The following SPECC1L variants were observed in gnomAD, a reference collection of about 807,000 sequenced individuals.
SPECC1L encodes sperm antigen with calponin homology and coiled-coil domains 1 like, also known as cytospin-A.
Under a neutral mutation model 116.8 loss-of-function variants are expected in SPECC1L, and 40 were observed. The observed-to-expected ratio is 0.34, with a 90% confidence interval of 0.27 to 0.45. SPECC1L has a LOEUF of 0.45. Ranked by LOEUF, SPECC1L falls within the 20% of genes least tolerant of loss-of-function variation. SPECC1L has a pLI of 1.00. For synonymous variants in SPECC1L, 504 were observed against 500.6 expected (o/e 1.01, Z -0.09); for missense variants, 1,110 against 1,373.6 (o/e 0.81, Z 3.03).
At chr22:24,331,774 G>T (rs2040943418) in intron 8 of SPECC1L, among the ~76,000 whole-genome samples, 1 of 151,898 alleles carries the variant, frequency 6.6e-6, no homozygotes, top group South Asian at 2.1e-4. Flanking sequence ...ATGAACCAAG[G>T]TCTTGGCAAT....
chr22:24,382,704 CAA>C (rs34174849), intron 14 of SPECC1L, among the ~76,000 whole-genome samples: 6 of 59,646 alleles, frequency 1.0e-4, no homozygotes, highest in Admixed American at 2.1e-4. Flanking sequence ...GACTCCATCT[CAA>C]AAAAAAAAAA....
intron 2 of SPECC1L, among the ~76,000 whole-genome samples, chr22:24,295,440 G>A (rs201996393): frequency 0.035 from 5,165 of 149,632 alleles, 269 homozygotes; most frequent in South Asian, 0.11. Flanking sequence ...TTTGGGGTAC[G>A]GATCCCGTCA....
chr22:24,398,469 C>A (rs934648197), intron 14 of SPECC1L, among the ~76,000 whole-genome samples: 2 of 152,196 alleles, frequency 1.3e-5, no homozygotes, highest in Non-Finnish European at 2.9e-5. Flanking sequence ...TCTGCTTTTC[C>A]AGTGATCTAC....
rs79311337 is a variant in SPECC1L, at chr22:24,381,871, G to A, written c.3087+12551G>A. Among the ~76,000 whole-genome samples the A allele has an allele frequency of 7.4e-3, 1,126 of 152,266 alleles. 6 individuals carry two copies. Among genetic ancestry groups the A allele is most frequent in the South Asian group, 0.013 (61 of 4,828 alleles). ...TGCACTCCAGTCTGGGCGACAGAGC[G>A]AGACTCTGTCTCAAAACAAAACAAA... On this transcript the variant is annotated intron_variant, in intron 14 of 16. Transcript: ENST00000314328.
At chr22:24,295,573 T>A (rs931803451) in intron 2 of SPECC1L, among the ~76,000 whole-genome samples, 3 of 152,150 alleles carry the variant, frequency 2.0e-5, no homozygotes, top group African/African-American at 7.2e-5. Flanking sequence ...GATCTAGACC[T>A]GGCAATAAAT....
At chr22:24,318,057 G>C (rs542635531) in intron 4 of SPECC1L, among the ~76,000 whole-genome samples, 1 of 149,512 alleles carries the variant, frequency 6.7e-6, no homozygotes, top group East Asian at 2.0e-4. Flanking sequence ...CAGGCAGAGG[G>C]GCTCCTCACA....
chr22:24,394,618 C>G (rs555073524), intron 14 of SPECC1L, among the ~76,000 whole-genome samples: 80 of 152,340 alleles, frequency 5.3e-4, no homozygotes, highest in African/African-American at 1.9e-3. Context: ...GCCCAACTGT[C>G]TTCCAGACTG....
At chr22:24,394,107 C>G (rs2146748051) in intron 14 of SPECC1L, among the ~76,000 whole-genome samples, 1 of 152,274 alleles carries the variant, frequency 6.6e-6, no homozygotes, top group Non-Finnish European at 1.5e-5. Flanking sequence ...TGGGTTGTTT[C>G]CAGTTATTGC....
intron 3 of SPECC1L, among the ~76,000 whole-genome samples, chr22:24,304,124 A>G (rs1338636869): frequency 6.6e-6 from 1 of 151,986 alleles, no homozygotes; most frequent in Non-Finnish European, 1.5e-5. Context: ...TGGCACCTAG[A>G]TACTTCCTAC....
intron 8 of SPECC1L, 95 bp from the exon 9 acceptor site, chr22:24,334,315 A>G: frequency 7.3e-7 from 1 of 1,364,196 alleles, no homozygotes; most frequent in Non-Finnish European, 1.0e-6. Flanking sequence ...CCCGGCCATT[A>G]AACTGATAGT....
intron 14 of SPECC1L, among the ~76,000 whole-genome samples, chr22:24,370,200 T>C (rs1214597428): frequency 6.6e-6 from 1 of 152,242 alleles, no homozygotes; most frequent in Non-Finnish European, 1.5e-5. Flanking sequence ...AGGTCACTTT[T>C]GGATGAATTT....
chr22:24,412,387 G>A (rs976596578), intron 15 of SPECC1L: 6 of 565,904 alleles, frequency 1.1e-5, no homozygotes, highest in Admixed American at 2.9e-5. Flanking sequence ...CATTGGTGCG[G>A]CAGAAGTAGG....
chr22:24,332,467 G>A (rs2040957527), intron 8 of SPECC1L, among the ~76,000 whole-genome samples: 1 of 152,198 alleles, frequency 6.6e-6, no homozygotes, highest in African/African-American at 2.4e-5. Flanking sequence ...CCACATTGGA[G>A]CTAACTTTTA....
At chr22:24,374,997 G>A (rs780509911) in intron 14 of SPECC1L, among the ~76,000 whole-genome samples, 11 of 151,696 alleles carry the variant, frequency 7.3e-5, no homozygotes, top group Non-Finnish European at 1.5e-4. Flanking sequence ...CAGGAATAAA[G>A]GGACGTTACT....
Position 24,322,593 on chromosome 22 carries a change from A to G in SPECC1L, c.1613A>G (p.Lys538Arg), listed in dbSNP as rs749704518. 11 of 1,614,102 alleles carry G rather than the reference A, an allele frequency of 6.8e-6. No homozygotes were observed. The highest frequency in any genetic ancestry group is 6.7e-5 in the Admixed American group (4 of 60,010). ...GCTCAAGAAATGATAGGGGCACTCA[A>G]AGAACGCAGTCACCATATGGAGCGA... ...KEAQEMIGAL[K>R]ERSHHMERII... The change falls in exon 5 of 17, where the codon AAA becomes AGA. Residue 538 changes from lysine to arginine, a missense_variant. Physicochemically the swap from Lys to Arg is conservative, Grantham distance 26. This residue lies in a region of SPECC1L where 575 missense variants were observed against 682.4 expected (regional missense o/e 0.84). Coordinates refer to ENST00000314328, the MANE Select transcript of SPECC1L (RefSeq NM_015330.6).
At chr22:24,348,985 G>A (rs1307405175) in intron 11 of SPECC1L, among the ~76,000 whole-genome samples, 1 of 151,976 alleles carries the variant, frequency 6.6e-6, no homozygotes, top group Non-Finnish European at 1.5e-5. Context: ...ACACTCTTGT[G>A]CCTTCTCTCT....
chr22:24,395,860 C>T (rs896991063), intron 14 of SPECC1L, among the ~76,000 whole-genome samples: 3 of 152,126 alleles, frequency 2.0e-5, no homozygotes, highest in Non-Finnish European at 2.9e-5. Context: ...AGGCTGGTCT[C>T]GAACTCTTGG....
At chr22:24,356,869 T>A (rs1172462842) in intron 11 of SPECC1L, among the ~76,000 whole-genome samples, 1 of 152,132 alleles carries the variant, frequency 6.6e-6, no homozygotes, top group Admixed American at 6.5e-5. Flanking sequence ...GCCTTGCCTT[T>A]ATTGGCGTCC....
chr22:24,313,863 T>G (rs1047266975), intron 4 of SPECC1L, among the ~76,000 whole-genome samples: 2 of 149,418 alleles, frequency 1.3e-5, no homozygotes, highest in African/African-American at 5.0e-5. Context: ...CTCAGCCTCC[T>G]GAGTAGCTGG....
Sources: allele counts gnomAD v4.1 joint callset (sites outside exome capture counted in the v4.1 genomes callset), GRCh38; gene constraint gnomAD v4.1.1; regional missense constraint gnomAD v4.1.1; transcripts MANE v1.5; gene names NCBI Gene and HGNC (gene_info 2026-07-23, HGNC 2026-07-21).